The following ODAD2 variants were observed in gnomAD, a reference collection of about 807,000 sequenced individuals.
The protein encoded by ODAD2 is outer dynein arm docking complex subunit 2, also known as outer dynein arm-docking complex subunit 2.
In ODAD2, 89 loss-of-function variants were observed where a neutral mutation model predicts 106.8. That is an observed-to-expected ratio of 0.83 (90% CI 0.70 to 0.99). ODAD2 has a LOEUF of 0.99. Ranked by LOEUF, ODAD2 falls within the 50% of genes least tolerant of loss-of-function variation. The probability of loss-of-function intolerance (pLI) is 0.00; values close to 1 mark genes in which losing one functional copy is unlikely to be tolerated. For synonymous variants in ODAD2, 404 were observed against 436.2 expected (o/e 0.93, Z 0.92); for missense variants, 1,168 against 1,238.5 (o/e 0.94, Z 0.85).
Position 27,837,002 on chromosome 10 carries a change from C to T in ODAD2, c.3021+23623G>A, listed in dbSNP as rs372980205. Reference sequence around the variant, plus strand: ...CGCTTAAGTCAGGCTCTTGAGTTGCCTTTCCAGATCCTAAACTGCCCACCG... The same window carrying T: ...CGCTTAAGTCAGGCTCTTGAGTTGCTTTTCCAGATCCTAAACTGCCCACCG... On this transcript the variant is annotated intron_variant, in intron 19 of 19. Coordinates refer to ENST00000305242, the MANE Select transcript of ODAD2 (RefSeq NM_018076.5). Among the ~76,000 whole-genome samples the T allele has an allele frequency of 4.8e-4, 73 of 152,276 alleles. 2 individuals are homozygous for T. In the East Asian group the frequency reaches 9.6e-3, roughly 20 times the overall value.
chr10:27,858,496 C>T (rs1839814082), intron 19 of ODAD2, among the ~76,000 whole-genome samples: 1 of 152,174 alleles, frequency 6.6e-6, no homozygotes, highest in Non-Finnish European at 1.5e-5. Context: ...CCCCAAGAAA[C>T]CCAAGGATAA....
intron 17 of ODAD2, among the ~76,000 whole-genome samples, chr10:27,874,410 G>A (rs1400500890): frequency 2.0e-5 from 3 of 152,122 alleles, no homozygotes; most frequent in South Asian, 4.1e-4. Context: ...ATGTTAGCTG[G>A]TTCTTTTGCT....
intron 16 of ODAD2, among the ~76,000 whole-genome samples, chr10:27,921,107 T>G (rs1239056138): frequency 6.6e-6 from 1 of 152,120 alleles, no homozygotes; most frequent in Non-Finnish European, 1.5e-5. Context: ...TTTATGTAAA[T>G]TGTTAGGTAA....
intron 19 of ODAD2, among the ~76,000 whole-genome samples, chr10:27,834,589 G>A (rs1463105585): frequency 6.6e-6 from 1 of 152,156 alleles, no homozygotes; most frequent in African/African-American, 2.4e-5. Flanking sequence ...GAAGGATGGT[G>A]GGGGCAAGGA....
At chr10:27,915,955 C>T (rs1844339957) in intron 16 of ODAD2, among the ~76,000 whole-genome samples, 1 of 152,072 alleles carries the variant, frequency 6.6e-6, no homozygotes, top group African/African-American at 2.4e-5. Flanking sequence ...TAATGGTCCA[C>T]CATGGAGTGT....
At chr10:27,908,450 A>G (rs576407259) in intron 16 of ODAD2, among the ~76,000 whole-genome samples, 1 of 152,160 alleles carries the variant, frequency 6.6e-6, no homozygotes, top group African/African-American at 2.4e-5. Flanking sequence ...TTTATATATC[A>G]ATCAGTCCAG....
chr10:27,973,761 C>T (rs1849012931), intron 7 of ODAD2, among the ~76,000 whole-genome samples: 1 of 152,036 alleles, frequency 6.6e-6, no homozygotes, highest in Non-Finnish European at 1.5e-5. Context: ...GTGCATGTGT[C>T]TTTATGCGAT....
chr10:27,831,174 C>A (rs367977565), intron 19 of ODAD2, among the ~76,000 whole-genome samples: 21 of 152,306 alleles, frequency 1.4e-4, no homozygotes, highest in African/African-American at 5.1e-4. Flanking sequence ...GCAGATAATG[C>A]TACCTCGGCC....
chr10:27,812,177 C>G lies in ODAD2; in HGVS notation c.*335G>C. On this transcript the variant is annotated 3_prime_UTR_variant, in exon 20 of 20. Transcript: ENST00000305242. ...ACTATGAAACTGTGCATTGGGAAGG[C>G]CATATCCTTTTTATTAAAATCGCCA... 1 of 204,640 alleles carries G rather than the reference C, an allele frequency of 4.9e-6. No homozygotes were observed. The highest frequency in any genetic ancestry group is 9.4e-6 in the Non-Finnish European group (1 of 106,248). The allele number at this position is 204,640 out of a possible 1,614,324, so 12.7% of individuals were successfully genotyped here. A position where few individuals can be genotyped will look rare whatever the true frequency, so the allele number is the denominator to read the frequency against.
At chr10:27,921,600 AT>A (rs914886987) in intron 16 of ODAD2, among the ~76,000 whole-genome samples, 66 of 151,254 alleles carry the variant, frequency 4.4e-4, no homozygotes, top group Middle Eastern at 3.4e-3. Context: ...ATATAAATGG[AT>A]TTTTTTTTAA....
intron 19 of ODAD2, among the ~76,000 whole-genome samples, chr10:27,852,832 G>A (rs1021658664): frequency 4.6e-5 from 7 of 151,944 alleles, no homozygotes; most frequent in East Asian, 1.9e-4. Context: ...ATGGTGGCAT[G>A]AGCCTGTAAT....
At chr10:27,931,406 T>C (rs906400230) in intron 16 of ODAD2, among the ~76,000 whole-genome samples, 7 of 152,156 alleles carry the variant, frequency 4.6e-5, no homozygotes, top group Admixed American at 2.6e-4. Context: ...CTCCACAAAC[T>C]AGTTTTGTGC....
At chr10:27,918,275 TATC>T (rs1844533935) in intron 16 of ODAD2, among the ~76,000 whole-genome samples, 1 of 151,656 alleles carries the variant, frequency 6.6e-6, no homozygotes, top group Non-Finnish European at 1.5e-5. Context: ...AAATATAAAA[TATC>T]AGCAACATGA....
intron 17 of ODAD2, among the ~76,000 whole-genome samples, chr10:27,895,905 C>T (rs561250813): frequency 1.1e-4 from 17 of 152,252 alleles, no homozygotes; most frequent in South Asian, 2.1e-4. Flanking sequence ...TGTAGAAGGA[C>T]GCAAGGTGGG....
intron 19 of ODAD2, among the ~76,000 whole-genome samples, chr10:27,855,575 A>T (rs919842323): frequency 1.3e-5 from 2 of 152,230 alleles, no homozygotes; most frequent in Non-Finnish European, 2.9e-5. Context: ...GCACTTAATG[A>T]GTGTTTCTAG....
chr10:27,931,162 C>T (rs540828960), intron 16 of ODAD2, among the ~76,000 whole-genome samples: 34 of 152,172 alleles, frequency 2.2e-4, no homozygotes, highest in African/African-American at 8.2e-4. Flanking sequence ...GACTATGCTT[C>T]GAATGACCAT....
chr10:27,968,222 AACTC>A (rs2132943019), intron 9 of ODAD2, among the ~76,000 whole-genome samples: 1 of 148,282 alleles, frequency 6.7e-6, no homozygotes, highest in African/African-American at 2.5e-5. Context: ...TGAAATTAAA[AACTC>A]ACTGAATGAA....
chr10:27,981,368 C>T (rs1849534224), intron 7 of ODAD2, 98 bp downstream of exon 7: 3 of 1,200,084 alleles, frequency 2.5e-6, no homozygotes, highest in African/African-American at 3.2e-5. Context: ...ATAAAAAGTG[C>T]CCAAAAATAG....
intron 16 of ODAD2, among the ~76,000 whole-genome samples, chr10:27,931,825 C>T (rs73606007): frequency 0.15 from 22,719 of 149,710 alleles, 2,527 homozygotes; most frequent in African/African-American, 0.32. Context: ...GTAGAGGCTT[C>T]GCAAGAGTAA....
Sources: allele counts gnomAD v4.1 joint callset (sites outside exome capture counted in the v4.1 genomes callset), GRCh38; gene constraint gnomAD v4.1.1; transcripts MANE v1.5; gene names NCBI Gene and HGNC (gene_info 2026-07-23, HGNC 2026-07-21).